Variants in EXOC2 observed in about 807,000 individuals in gnomAD.
EXOC2 encodes the protein SEC5-like 1.
In EXOC2, 70 loss-of-function variants were observed where a neutral mutation model predicts 131.8. The observed-to-expected ratio is 0.53, with a 90% confidence interval of 0.44 to 0.65. EXOC2 has a LOEUF of 0.65. EXOC2 is among the 30% of genes least tolerant of loss of function. The pLI is 0.00. For missense variants in EXOC2, 923 were observed against 1,108.6 expected (o/e 0.83, Z 2.38); for synonymous variants, 411 against 398.4 (o/e 1.03, Z -0.38).
chr6:493,635 A>T (rs1329454133), intron 25 of EXOC2, among the ~76,000 whole-genome samples: 1 of 152,258 alleles, frequency 6.6e-6, no homozygotes, highest in East Asian at 1.9e-4. Context: ...CTCTCAGGAC[A>T]GTTCTGGAGT....
At chr6:501,108 ATT>A (rs1491130293) in intron 23 of EXOC2, among the ~76,000 whole-genome samples, 1 of 86,948 alleles carries the variant, frequency 1.2e-5, no homozygotes, top group Admixed American at 1.7e-4. Flanking sequence ...AGATATATAT[ATT>A]ATATATATCT....
chr6:676,033 T>TC (rs1428108295), intron 1 of EXOC2, among the ~76,000 whole-genome samples: 1 of 121,286 alleles, frequency 8.2e-6, no homozygotes, highest in African/African-American at 3.0e-5. Flanking sequence ...CAACTGCGGT[T>TC]CCCCATACTC....
At chr6:611,373 C>A (rs569017889) in intron 6 of EXOC2, among the ~76,000 whole-genome samples, 1 of 152,230 alleles carries the variant, frequency 6.6e-6, no homozygotes, top group Non-Finnish European at 1.5e-5. Context: ...ACAGACACTG[C>A]GCTGAGATGT....
intron 23 of EXOC2, among the ~76,000 whole-genome samples, chr6:521,864 T>C (rs1765487409): frequency 1.3e-5 from 2 of 152,240 alleles, no homozygotes. Flanking sequence ...ATGTTATTTT[T>C]GGTTATTTAT....
rs1258526843 is a variant in EXOC2 at position 633,077 on chromosome 6, T to C, written c.159A>G (p.Glu53=). ...ATACTATTTTACTTGCAGACATCCA[T>C]TCTGCCGTCAGGAGGCAATTATGTC... is the stretch of plus-strand genomic sequence containing the variant. ...ICGHNCLLTA[E]WMSASKIVCR... Residue 53 remains glutamate, a synonymous_variant, in exon 3 of 28, where the codon GAA becomes GAG. Coordinates refer to ENST00000230449, the MANE Select transcript of EXOC2 (RefSeq NM_018303.6). 1 of 1,613,964 alleles carries C rather than the reference T, an allele frequency of 6.2e-7. No homozygotes were observed. Among genetic ancestry groups the C allele is most frequent in the Non-Finnish European group, 8.5e-7 (1 of 1,180,010 alleles).
At chr6:518,602 T>C (rs1487022976) in intron 23 of EXOC2, among the ~76,000 whole-genome samples, 3 of 152,328 alleles carry the variant, frequency 2.0e-5, no homozygotes, top group Admixed American at 6.5e-5. Flanking sequence ...ACTAGCTTTA[T>C]TGAAAAATGC....
At chr6:671,925 T>G (rs572523781) in intron 1 of EXOC2, among the ~76,000 whole-genome samples, 1 of 151,942 alleles carries the variant, frequency 6.6e-6, no homozygotes, top group South Asian at 2.1e-4. Flanking sequence ...TTTATTTATT[T>G]ATTTTTTGGT....
At chr6:615,675 G>C (rs187038199) in intron 6 of EXOC2, among the ~76,000 whole-genome samples, 1 of 146,760 alleles carries the variant, frequency 6.8e-6, no homozygotes, top group Non-Finnish European at 1.5e-5. Context: ...AGCTGAAATC[G>C]CACCACCGCA....
At chr6:638,945 A>G (rs1477957710) in intron 1 of EXOC2, among the ~76,000 whole-genome samples, 1 of 117,828 alleles carries the variant, frequency 8.5e-6, no homozygotes, top group Non-Finnish European at 1.9e-5. Context: ...TAATAAAAAT[A>G]ATAAAATTTT....
intron 22 of EXOC2, among the ~76,000 whole-genome samples, chr6:542,852 T>C (rs967374556): frequency 6.6e-6 from 1 of 152,110 alleles, no homozygotes; most frequent in East Asian, 1.9e-4. Context: ...CAAAAAGCCA[T>C]GAGAGAAAGA....
intron 11 of EXOC2, among the ~76,000 whole-genome samples, chr6:591,255 T>G (rs1440270675): frequency 6.6e-6 from 1 of 152,136 alleles, no homozygotes; most frequent in Non-Finnish European, 1.5e-5. Flanking sequence ...TGAGCTTGTC[T>G]TCCCCCAATC....
chr6:693,062 C>T lies in EXOC2; in HGVS notation c.-87G>A, dbSNP rs1413920112. 1 of 152,428 alleles carries T rather than the reference C, an allele frequency of 6.6e-6. No homozygotes were observed. The highest frequency in any genetic ancestry group is 2.1e-4 in the South Asian group (1 of 4,840). The allele number at this position is 152,428 out of a possible 1,614,324, so 9.4% of individuals were successfully genotyped here. On this transcript the variant is annotated 5_prime_UTR_variant, in exon 1 of 28. Transcript: ENST00000230449. ...AGCTCACGGCCGGCACAGACAGGGC[C>T]CGGTAGGTCTCGCCGAAGACTCCGC... is the stretch of plus-strand genomic sequence containing the variant.
chr6:654,093 A>G (rs1245353925), intron 1 of EXOC2, among the ~76,000 whole-genome samples: 2 of 152,252 alleles, frequency 1.3e-5, no homozygotes, highest in Non-Finnish European at 2.9e-5. Flanking sequence ...CTTTCAGAAT[A>G]TCACTGTTCA....
intron 23 of EXOC2, among the ~76,000 whole-genome samples, chr6:529,125 C>CCG (rs1554122771): frequency 6.7e-6 from 1 of 150,332 alleles, no homozygotes; most frequent in Admixed American, 6.6e-5. Flanking sequence ...TACCCCCCCC[C>CCG]GCGCCCTGGT....
intron 1 of EXOC2, among the ~76,000 whole-genome samples, chr6:679,928 T>C (rs1334863233): frequency 6.6e-6 from 1 of 152,192 alleles, no homozygotes; most frequent in East Asian, 1.9e-4. Context: ...GGTAGGATTA[T>C]CAGAGATTCA....
At chr6:525,321 T>G (rs1431092790) in intron 23 of EXOC2, 2 of 152,236 alleles carry the variant, frequency 1.3e-5, no homozygotes, top group African/African-American at 4.8e-5. Context: ...TTCACAAATT[T>G]ACCCAAAGTG....
intron 23 of EXOC2, among the ~76,000 whole-genome samples, chr6:511,636 C>T (rs1216343109): frequency 1.3e-5 from 2 of 152,188 alleles, no homozygotes; most frequent in African/African-American, 2.4e-5. Flanking sequence ...CCAGCCCGAG[C>T]GGGACAAGCC....
chr6:598,839 A>G (rs1759967675), intron 9 of EXOC2, 21 bp downstream of exon 9: 1 of 1,582,502 alleles, frequency 6.3e-7, no homozygotes, highest in Non-Finnish European at 8.6e-7. Context: ...AGAAGATCTA[A>G]AAGTAATACA....
intron 23 of EXOC2, among the ~76,000 whole-genome samples, chr6:500,422 G>A (rs1490629978): frequency 6.6e-6 from 1 of 152,130 alleles, no homozygotes; most frequent in Non-Finnish European, 1.5e-5. Flanking sequence ...TCTGACTATT[G>A]GGGACCAAAC....
Sources: gnomAD v4.1 joint callset for allele counts (sites outside exome capture counted in the v4.1 genomes callset) on GRCh38, gnomAD v4.1.1 for gene constraint, MANE v1.5 for transcripts, NCBI Gene and HGNC (gene_info 2026-07-23, HGNC 2026-07-21) for gene names.